The following PARP8 variants were observed in gnomAD, a reference collection of about 807,000 sequenced individuals.
The protein encoded by PARP8 is protein mono-ADP-ribosyltransferase PARP8.
In PARP8, 51 loss-of-function variants were observed where a neutral mutation model predicts 124.1. The observed-to-expected ratio is 0.41, with a 90% CI of 0.33 to 0.52. The LOEUF is 0.52. Among genes scored for constraint, PARP8 ranks in the 20% least tolerant of loss-of-function variants. The probability of loss-of-function intolerance (pLI) is 0.21; values close to 1 mark genes in which losing one functional copy is unlikely to be tolerated. For missense variants in PARP8, 860 were observed against 1,018.9 expected (o/e 0.84, Z 2.12); for synonymous variants, 391 against 361.5 (o/e 1.08, Z -0.93).
chr5:50,813,253 TC>T (rs1461521184), intron 14 of PARP8, among the ~76,000 whole-genome samples: 1 of 152,198 alleles, frequency 6.6e-6, no homozygotes, highest in African/African-American at 2.4e-5. Context: ...TTTGTTTGTA[TC>T]CTCTTTTATT....
chr5:50,715,936 T>C (rs1037281810), intron 2 of PARP8, among the ~76,000 whole-genome samples: 1 of 152,106 alleles, frequency 6.6e-6, no homozygotes, highest in Non-Finnish European at 1.5e-5. Context: ...AAGTGTTCAG[T>C]TCCCAGCTTT....
intron 2 of PARP8, chr5:50,668,434 A>T: frequency 3.1e-6 from 1 of 322,188 alleles, no homozygotes; most frequent in Non-Finnish European, 5.9e-6. Flanking sequence ...CCGGTGCAAA[A>T]CTGGAATACT....
Position 50,834,995 on chromosome 5 carries a change from C to G in PARP8, c.2442C>G (p.Val814=). 2 of 1,613,146 alleles carry G rather than the reference C, an allele frequency of 1.2e-6. No homozygotes were observed. The highest frequency in any genetic ancestry group is 8.5e-7 in the Non-Finnish European group (1 of 1,179,438). ...EIWVVPNTDH[V]CTRFFFVYED... ...GGGTTGTCCCCAATACTGACCATGTCTGCACACGATTCTTTTTCGTGTAAG... is the reference window on the plus strand; with the variant it reads ...GGGTTGTCCCCAATACTGACCATGTGTGCACACGATTCTTTTTCGTGTAAG... Residue 814 remains valine (V), a synonymous_variant, in exon 25 of 26, where the codon GTC becomes GTG. Transcript: ENST00000281631.
At chr5:50,711,119 C>G (rs1754729369) in intron 2 of PARP8, among the ~76,000 whole-genome samples, 1 of 152,092 alleles carries the variant, frequency 6.6e-6, no homozygotes, top group African/African-American at 2.4e-5. Context: ...CTGATAAACA[C>G]AATTATGTTA....
intron 22 of PARP8, among the ~76,000 whole-genome samples, chr5:50,831,238 C>T (rs189815718): frequency 4.6e-5 from 7 of 152,158 alleles, no homozygotes; most frequent in African/African-American, 1.7e-4. Context: ...GTTCAACAAA[C>T]ACCTTAACCT....
At chr5:50,782,962 A>G (rs1013480898) in intron 9 of PARP8, among the ~76,000 whole-genome samples, 5 of 152,114 alleles carry the variant, frequency 3.3e-5, no homozygotes, top group African/African-American at 1.2e-4. Flanking sequence ...ATGACACGGG[A>G]AAGGGATGGT....
intron 14 of PARP8, among the ~76,000 whole-genome samples, chr5:50,802,352 C>G (rs1743320605): frequency 6.6e-6 from 1 of 152,040 alleles, no homozygotes; most frequent in Non-Finnish European, 1.5e-5. Context: ...CTTGCTCTGT[C>G]CTCTAGACCG....
chr5:50,717,552 A>G (rs1007021789), intron 2 of PARP8, among the ~76,000 whole-genome samples: 3 of 151,932 alleles, frequency 2.0e-5, no homozygotes, highest in African/African-American at 7.3e-5. Context: ...TAGAGACGAC[A>G]TTTAAAGCCC....
chr5:50,797,569 G>T (rs1439639484), intron 14 of PARP8, among the ~76,000 whole-genome samples: 1 of 152,148 alleles, frequency 6.6e-6, no homozygotes, highest in African/African-American at 2.4e-5. Context: ...GGATGCTTAG[G>T]CAGTGTCCCT....
At chr5:50,787,729 AG>A (rs1741424195) in intron 9 of PARP8, among the ~76,000 whole-genome samples, 1 of 151,954 alleles carries the variant, frequency 6.6e-6, no homozygotes, top group Admixed American at 6.6e-5. Context: ...GACTTTTTTG[AG>A]AGAAGTTATT....
chr5:50,776,633 A>G (rs1033416270), intron 7 of PARP8, among the ~76,000 whole-genome samples: 10 of 152,186 alleles, frequency 6.6e-5, no homozygotes, highest in Admixed American at 6.5e-4. Flanking sequence ...AAAGGAGAGA[A>G]TGGAGAAAGC....
At chr5:50,750,594 T>TA (rs1473564445) in intron 3 of PARP8, among the ~76,000 whole-genome samples, 1 of 152,114 alleles carries the variant, frequency 6.6e-6, no homozygotes, top group Non-Finnish European at 1.5e-5. Flanking sequence ...TTTTTAGTAT[T>TA]AAAAAATAGT....
chr5:50,796,931 CATTTTTACATTTAAAAAAATTATCATTT>C (rs1742619666), intron 12 of PARP8, 23 bp from the exon 13 acceptor site: 2 of 1,462,162 alleles, frequency 1.4e-6, no homozygotes. Flanking sequence ...GTAATTTATA[CATTTTTACATTTAAAAAAATTATCATTT>C]TTTTTTACTT....
chr5:50,796,495 A>C (rs1742573584), intron 12 of PARP8, among the ~76,000 whole-genome samples: 2 of 152,216 alleles, frequency 1.3e-5, no homozygotes, highest in Non-Finnish European at 2.9e-5. Context: ...TCATCCAAGA[A>C]AGATCATTTC....
At chr5:50,667,476 G>T (rs1749439089) in intron 1 of PARP8, 1 of 699,684 alleles carries the variant, frequency 1.4e-6, no homozygotes, top group African/African-American at 1.8e-5. Flanking sequence ...TTCCAGCCCC[G>T]CGTAGTGCCC....
intron 21 of PARP8, among the ~76,000 whole-genome samples, chr5:50,829,397 A>G (rs1746698741): frequency 6.6e-6 from 1 of 152,226 alleles, no homozygotes; most frequent in Non-Finnish European, 1.5e-5. Context: ...GAGGGCCCAG[A>G]ACACAGAGAT....
At chr5:50,729,880 A>G (rs780817804) in intron 2 of PARP8, among the ~76,000 whole-genome samples, 6 of 152,156 alleles carry the variant, frequency 3.9e-5, no homozygotes, top group Non-Finnish European at 8.8e-5. Flanking sequence ...GCCTTGAAAC[A>G]TTTTCTATCT....
rs1400396732 is a variant in PARP8, at chr5:50,754,162, C to T, written c.184+3974C>T. 5.4e-3 allele frequency among the ~76,000 whole-genome samples: 145 copies of T among 26,768 alleles called. 1 individual carries two copies. Among genetic ancestry groups the T allele is most frequent in the African/African-American group, 0.011 (101 of 9,456 alleles). 17.6% of individuals were successfully genotyped at this position (26,768 alleles called of 152,430 possible). On this transcript the variant is annotated intron_variant, in intron 3 of 25. Coordinates refer to ENST00000281631, the MANE Select transcript of PARP8 (RefSeq NM_024615.4). Reference sequence around the variant, plus strand: ...ATATATATATATATACACACACACACACACACACACACACACACATATATA... The same window carrying T: ...ATATATATATATATACACACACACATACACACACACACACACACATATATA...
chr5:50,701,466 C>A (rs1296578860), intron 2 of PARP8, among the ~76,000 whole-genome samples: 3 of 152,044 alleles, frequency 2.0e-5, no homozygotes, highest in African/African-American at 7.2e-5. Flanking sequence ...TGCTTTTTAT[C>A]TGAATTCTCT....
Sources: gnomAD v4.1 joint callset for allele counts (sites outside exome capture counted in the v4.1 genomes callset) on GRCh38, gnomAD v4.1.1 for gene constraint, MANE v1.5 for transcripts, NCBI Gene and HGNC (gene_info 2026-07-23, HGNC 2026-07-21) for gene names.